Variants in MLLT3 observed in about 807,000 individuals in gnomAD.
MLLT3 encodes protein AF-9.
A neutral mutation model predicts 53.2 loss-of-function variants in MLLT3; 4 were observed. That is an observed-to-expected ratio of 0.08 (90% CI 0.04 to 0.17). The LOEUF is 0.17. Among genes scored for constraint, MLLT3 ranks in the 10% least tolerant of loss-of-function variants. The probability of loss-of-function intolerance (pLI) is 1.00; values close to 1 mark genes in which losing one functional copy is unlikely to be tolerated. For missense variants in MLLT3, 569 were observed against 684.0 expected (o/e 0.83, Z 1.87); for synonymous variants, 283 against 230.6 (o/e 1.23, Z -2.06).
chr9:20,473,660 T>A (rs566295606), intron 2 of MLLT3, among the ~76,000 whole-genome samples: 1 of 152,062 alleles, frequency 6.6e-6, no homozygotes, highest in African/African-American at 2.4e-5. Context: ...TACTCAAACA[T>A]TTCCCATAAG....
chr9:20,426,439 T>C (rs1037420706), intron 4 of MLLT3, among the ~76,000 whole-genome samples: 2 of 152,102 alleles, frequency 1.3e-5, no homozygotes, highest in African/African-American at 4.8e-5. Context: ...ATTATATTAC[T>C]AATCACAAAT....
At chr9:20,578,200 T>A (rs1397132162) in intron 2 of MLLT3, among the ~76,000 whole-genome samples, 2 of 152,188 alleles carry the variant, frequency 1.3e-5, no homozygotes, top group South Asian at 2.1e-4. Context: ...CTTGACTAAA[T>A]AAGAATGTAA....
At chr9:20,406,614 T>TCTA (rs1466453810) in intron 5 of MLLT3, among the ~76,000 whole-genome samples, 1 of 152,220 alleles carries the variant, frequency 6.6e-6, no homozygotes, top group Admixed American at 6.5e-5. Flanking sequence ...CCAGGGCCAC[T>TCTA]CTAGTAATTT....
chr9:20,584,061 T>A (rs1440369628), intron 2 of MLLT3, among the ~76,000 whole-genome samples: 1 of 152,204 alleles, frequency 6.6e-6, no homozygotes, highest in African/African-American at 2.4e-5. Flanking sequence ...ACTCATCTCT[T>A]GAATACTTTG....
intron 2 of MLLT3, among the ~76,000 whole-genome samples, chr9:20,470,683 G>A (rs1487809766): frequency 6.6e-6 from 1 of 151,832 alleles, no homozygotes; most frequent in Non-Finnish European, 1.5e-5. Flanking sequence ...GTTTCTTCCT[G>A]GGATGTCAAG....
At chr9:20,385,026 T>A (rs1822000044) in intron 5 of MLLT3, among the ~76,000 whole-genome samples, 2 of 152,142 alleles carry the variant, frequency 1.3e-5, no homozygotes, top group African/African-American at 2.4e-5. Flanking sequence ...AGTAAAAAGT[T>A]ACCTCTAGAC....
At chr9:20,520,537 G>A (rs953005761) in intron 2 of MLLT3, among the ~76,000 whole-genome samples, 2 of 151,982 alleles carry the variant, frequency 1.3e-5, no homozygotes, top group Non-Finnish European at 1.5e-5. Flanking sequence ...AGCAAAATAG[G>A]AAGGCATATA....
At chr9:20,462,899 C>T (rs1824147076) in intron 2 of MLLT3, among the ~76,000 whole-genome samples, 1 of 151,886 alleles carries the variant, frequency 6.6e-6, no homozygotes, top group Non-Finnish European at 1.5e-5. Flanking sequence ...GCCTGGGCAG[C>T]AAGCAGAAAG....
intron 2 of MLLT3, among the ~76,000 whole-genome samples, chr9:20,592,262 C>G (rs1007059403): frequency 6.6e-6 from 1 of 152,216 alleles, no homozygotes; most frequent in East Asian, 1.9e-4. Context: ...AACCTGCTTA[C>G]CTATGCTTAC....
chr9:20,602,096 G>A (rs755068061), intron 2 of MLLT3, among the ~76,000 whole-genome samples: 17 of 152,160 alleles, frequency 1.1e-4, no homozygotes, highest in Admixed American at 9.8e-4. Flanking sequence ...ACTGTGGTGG[G>A]TTCTTCCCCC....
At chr9:20,589,969 A>G (rs1483558909) in intron 2 of MLLT3, among the ~76,000 whole-genome samples, 1 of 152,150 alleles carries the variant, frequency 6.6e-6, no homozygotes, top group Non-Finnish European at 1.5e-5. Flanking sequence ...TCGGCCTCCC[A>G]AAGTGCTGGG....
At chr9:20,407,432 G>A (rs1822611685) in intron 5 of MLLT3, among the ~76,000 whole-genome samples, 1 of 152,120 alleles carries the variant, frequency 6.6e-6, no homozygotes. Context: ...TCCTGGCTCT[G>A]CATGCCAAAT....
At chr9:20,513,313 G>C (rs1817809903) in intron 2 of MLLT3, among the ~76,000 whole-genome samples, 1 of 152,182 alleles carries the variant, frequency 6.6e-6, no homozygotes, top group Non-Finnish European at 1.5e-5. Context: ...CTGACTAAGA[G>C]GAAAATTAGG....
At chr9:20,475,409 T>C (rs946035098) in intron 2 of MLLT3, among the ~76,000 whole-genome samples, 1 of 152,250 alleles carries the variant, frequency 6.6e-6, no homozygotes, top group Admixed American at 6.5e-5. Flanking sequence ...GCACTTTATC[T>C]TAATGGTATA....
At chr9:20,503,821 C>T (rs1825310162) in intron 2 of MLLT3, among the ~76,000 whole-genome samples, 1 of 151,996 alleles carries the variant, frequency 6.6e-6, no homozygotes, top group South Asian at 2.1e-4. Context: ...AGACTAATAT[C>T]CAAAATATAT....
At chr9:20,517,639 C>A (rs963443280) in intron 2 of MLLT3, among the ~76,000 whole-genome samples, 3 of 151,966 alleles carry the variant, frequency 2.0e-5, no homozygotes, top group Admixed American at 2.0e-4. Flanking sequence ...GAGTTTGAGA[C>A]CAACCTGGCC....
intron 5 of MLLT3, among the ~76,000 whole-genome samples, chr9:20,409,282 T>G (rs1436745556): frequency 6.6e-6 from 1 of 152,194 alleles, no homozygotes; most frequent in East Asian, 1.9e-4. Flanking sequence ...TACTGTTTTT[T>G]TCCTCCTCTG....
intron 4 of MLLT3, among the ~76,000 whole-genome samples, chr9:20,430,083 A>G (rs369865966): frequency 1.3e-3 from 193 of 152,314 alleles, no homozygotes; most frequent in African/African-American, 4.3e-3. Context: ...GCATATTTAC[A>G]CATCAGGAAC....
intron 5 of MLLT3, among the ~76,000 whole-genome samples, chr9:20,399,376 G>C (rs927923428): frequency 6.6e-6 from 1 of 152,082 alleles, no homozygotes; most frequent in Non-Finnish European, 1.5e-5. Flanking sequence ...TGCCAATTAA[G>C]AGCCAGGGAC....
Sources: gnomAD v4.1 joint callset for allele counts (sites outside exome capture counted in the v4.1 genomes callset) on GRCh38, gnomAD v4.1.1 for gene constraint, MANE v1.5 for transcripts, NCBI Gene and HGNC (gene_info 2026-07-23, HGNC 2026-07-21) for gene names.